The following ARID1B variants were observed in gnomAD, a reference collection of about 807,000 sequenced individuals.
The protein encoded by ARID1B is AT-rich interactive domain-containing protein 1B.
Under a neutral mutation model 212.3 loss-of-function variants are expected in ARID1B, and 30 were observed. That is an observed-to-expected ratio of 0.14 (90% CI 0.11 to 0.19). The LOEUF (loss-of-function observed/expected upper bound fraction) is 0.19, where lower values mean the gene tolerates loss of function less well. ARID1B is among the 10% of genes least tolerant of loss of function. The pLI, the probability that ARID1B is intolerant of heterozygous loss-of-function variation, is 1.00. For missense variants in ARID1B, 2,891 were observed against 3,204.0 expected, an observed-to-expected ratio of 0.90 and a Z score of 2.36; for synonymous variants, 1,402 against 1,301.7, an observed-to-expected ratio of 1.08 and a Z score of -1.66.
At chr6:156,782,279 C>T (rs563111431) in intron 1 of ARID1B, among the ~76,000 whole-genome samples, 5 of 151,910 alleles carry the variant, frequency 3.3e-5, no homozygotes, top group African/African-American at 1.2e-4. Flanking sequence ...TTTTTAGTTT[C>T]ATTTTTGATT....
At chr6:156,912,925 C>G (rs1292995374) in intron 3 of ARID1B, among the ~76,000 whole-genome samples, 2 of 152,038 alleles carry the variant, frequency 1.3e-5, no homozygotes, top group East Asian at 3.9e-4. Flanking sequence ...CTGTTTTTCT[C>G]TTTTCTTGTA....
intron 7 of ARID1B, chr6:157,141,387 A>T (rs1052272032): frequency 6.6e-6 from 1 of 152,252 alleles, no homozygotes; most frequent in Non-Finnish European, 1.5e-5. Flanking sequence ...TTTACATTTT[A>T]AAGAATTTTA....
At chr6:157,173,861 A>G in intron 9 of ARID1B, 147 bp from the exon 10 acceptor site, 1 of 626,348 alleles carries the variant, frequency 1.6e-6, no homozygotes. Flanking sequence ...AGAAATTAAT[A>G]TGCTCCCCAT....
intron 6 of ARID1B, among the ~76,000 whole-genome samples, chr6:157,121,700 C>G (rs567694620): frequency 7.1e-6 from 1 of 140,920 alleles, no homozygotes; most frequent in Non-Finnish European, 1.5e-5. Flanking sequence ...TGGCGCGTCT[C>G]TGCTCACTGC....
intron 2 of ARID1B, among the ~76,000 whole-genome samples, chr6:156,888,184 A>T (rs570265536): frequency 2.0e-5 from 3 of 152,234 alleles, no homozygotes; most frequent in Admixed American, 2.0e-4. Flanking sequence ...TTATATAGGA[A>T]AGTGGTAAAG....
At chr6:156,807,234 T>C (rs1466253287) in intron 1 of ARID1B, among the ~76,000 whole-genome samples, 1 of 151,022 alleles carries the variant, frequency 6.6e-6, no homozygotes, top group Non-Finnish European at 1.5e-5. Flanking sequence ...AGTTCAGATC[T>C]ATGGAGTGGA....
At chr6:157,054,810 A>G (rs941354406) in intron 4 of ARID1B, among the ~76,000 whole-genome samples, 2 of 152,224 alleles carry the variant, frequency 1.3e-5, no homozygotes, top group African/African-American at 2.4e-5. Context: ...ATTTTAGCAT[A>G]AAACACATAA....
chr6:157,013,491 T>A (rs908571781), intron 4 of ARID1B, among the ~76,000 whole-genome samples: 3 of 152,206 alleles, frequency 2.0e-5, no homozygotes, highest in Admixed American at 1.3e-4. Flanking sequence ...GCTAGGTGCA[T>A]TATTACTGCT....
At chr6:156,926,835 C>T (rs892232784) in intron 3 of ARID1B, among the ~76,000 whole-genome samples, 10 of 152,162 alleles carry the variant, frequency 6.6e-5, no homozygotes, top group African/African-American at 2.4e-4. Flanking sequence ...GCACTGCCAC[C>T]ATGCCTGGCT....
chr6:157,140,545 G>T (rs1302537459), intron 7 of ARID1B: 2 of 398,400 alleles, frequency 5.0e-6, no homozygotes, highest in Non-Finnish European at 8.8e-6. Context: ...TCCAACCATA[G>T]TTACTATATT....
chr6:157,035,578 A>C (rs913886069), intron 4 of ARID1B, among the ~76,000 whole-genome samples: 1 of 152,260 alleles, frequency 6.6e-6, no homozygotes. Flanking sequence ...AAATGTAAAC[A>C]GAAATGCTGT....
chr6:156,897,221 T>TGCTGCTGCTGCTG (rs1562468311), intron 2 of ARID1B, among the ~76,000 whole-genome samples: 13 of 78,818 alleles, frequency 1.6e-4, no homozygotes, highest in African/African-American at 5.6e-4. Flanking sequence ...TGCTGCTGCT[T>TGCTGCTGCTGCTG]CTTCTTCTTC....
intron 12 of ARID1B, 47 bp from the exon 13 acceptor site, chr6:157,184,184 C>T (rs1792787978): frequency 6.5e-7 from 1 of 1,531,692 alleles, no homozygotes; most frequent in Admixed American, 2.0e-5. Context: ...TGGCTTTAAA[C>T]AAGCCACTTT....
chr6:157,146,968 A>G (rs1398693720), intron 7 of ARID1B, among the ~76,000 whole-genome samples: 1 of 151,938 alleles, frequency 6.6e-6, no homozygotes, highest in South Asian at 2.1e-4. Context: ...CTAGCTCTTG[A>G]TTTTTCTCAT....
At chr6:157,127,961 CAAA>C (rs1279121300) in intron 6 of ARID1B, among the ~76,000 whole-genome samples, 1 of 88,418 alleles carries the variant, frequency 1.1e-5, no homozygotes, top group Non-Finnish European at 2.5e-5. Context: ...GACTTCATCT[CAAA>C]AAAAAAAAAA....
At chr6:157,073,919 A>G (rs1383066922) in intron 4 of ARID1B, among the ~76,000 whole-genome samples, 1 of 152,206 alleles carries the variant, frequency 6.6e-6, no homozygotes, top group Admixed American at 6.5e-5. Flanking sequence ...TATTATCCAC[A>G]TGCTACACAC....
At chr6:157,074,238 T>G (rs1162232915) in intron 4 of ARID1B, among the ~76,000 whole-genome samples, 1 of 152,054 alleles carries the variant, frequency 6.6e-6, no homozygotes. Flanking sequence ...TTTGTTGGTT[T>G]GTTTGAGACA....
In ARID1B at chr6:157,136,867, A is replaced by C. The variant is rs112508958; in HGVS notation, c.2761+3660A>C. Among the ~76,000 whole-genome samples the C allele has an allele frequency of 7.5e-3, 1,143 of 152,120 alleles. 12 individuals carry two copies. Among genetic ancestry groups the C allele is most frequent in the African/African-American group, 0.024 (987 of 41,472 alleles). On this transcript the variant is annotated intron_variant, in intron 7 of 19. Coordinates refer to ENST00000636930, the MANE Select transcript of ARID1B (RefSeq NM_001374828.1). ...ACAGAGTGAGACCCTGTCTTTAAAAAAACAACAACAACAACAAAAATACTA... is the reference window on the plus strand; with the variant it reads ...ACAGAGTGAGACCCTGTCTTTAAAACAACAACAACAACAACAAAAATACTA...
At chr6:157,067,952 A>G (rs1783782645) in intron 4 of ARID1B, among the ~76,000 whole-genome samples, 1 of 152,240 alleles carries the variant, frequency 6.6e-6, no homozygotes, top group African/African-American at 2.4e-5. Flanking sequence ...TTTAAGACCT[A>G]AAACAATCGT....
Sources: allele counts gnomAD v4.1 joint callset (sites outside exome capture counted in the v4.1 genomes callset), GRCh38; gene constraint gnomAD v4.1.1; transcripts MANE v1.5; gene names NCBI Gene and HGNC (gene_info 2026-07-23, HGNC 2026-07-21).